Variants in GALNT17 observed in about 807,000 individuals in gnomAD.
The protein encoded by GALNT17 is polypeptide N-acetylgalactosaminyltransferase 17.
Under a neutral mutation model 63.7 loss-of-function variants are expected in GALNT17, and 29 were observed. The ratio of observed to expected loss-of-function variants is 0.46; its 90% CI spans 0.34 to 0.62. The LOEUF (loss-of-function observed/expected upper bound fraction) is 0.62. Among genes scored for constraint, GALNT17 ranks in the 20% least tolerant of loss-of-function variants. GALNT17 has a pLI of 0.01. For missense variants in GALNT17, 603 were observed against 799.6 expected, an observed-to-expected ratio of 0.75 and a Z score of 2.97; for synonymous variants, 305 against 318.3, an observed-to-expected ratio of 0.96 and a Z score of 0.45.
intron 5 of GALNT17, among the ~76,000 whole-genome samples, chr7:71,465,118 T>C (rs986724058): frequency 2.0e-5 from 3 of 152,162 alleles, no homozygotes; most frequent in Non-Finnish European, 4.4e-5. Context: ...CACAGACATC[T>C]AGGTGGCAGC....
At chr7:71,372,922 C>G (rs1792652039) in intron 2 of GALNT17, among the ~76,000 whole-genome samples, 1 of 152,058 alleles carries the variant, frequency 6.6e-6, no homozygotes, top group Non-Finnish European at 1.5e-5. Flanking sequence ...GGGCTTAGCT[C>G]TTGTTATTTT....
chr7:71,352,131 A>G (rs1385105397), intron 2 of GALNT17, among the ~76,000 whole-genome samples: 2 of 152,154 alleles, frequency 1.3e-5, no homozygotes, highest in Non-Finnish European at 2.9e-5. Flanking sequence ...AGTTTCCCCC[A>G]TACTGTTCTC....
intron 5 of GALNT17, among the ~76,000 whole-genome samples, chr7:71,565,875 G>T (rs1413552249): frequency 2.9e-5 from 4 of 136,174 alleles, no homozygotes; most frequent in African/African-American, 1.1e-4. Context: ...ACGGAGTCTC[G>T]CTCTTTCCCC....
At chr7:71,181,107 TA>T (rs1360569457) in intron 1 of GALNT17, among the ~76,000 whole-genome samples, 18 of 151,896 alleles carry the variant, frequency 1.2e-4, no homozygotes, top group African/African-American at 3.6e-4. Context: ...CACAAAAAAT[TA>T]ACCGAGTGTG....
At chr7:71,237,198 C>T (rs1311131410) in intron 1 of GALNT17, among the ~76,000 whole-genome samples, 2 of 152,150 alleles carry the variant, frequency 1.3e-5, no homozygotes, top group African/African-American at 4.8e-5. Flanking sequence ...TTTATTGTCT[C>T]CGTATGTAAT....
At chr7:71,401,075 A>C (rs1427348634) in intron 3 of GALNT17, among the ~76,000 whole-genome samples, 2 of 151,070 alleles carry the variant, frequency 1.3e-5, no homozygotes, top group Non-Finnish European at 2.9e-5. Context: ...AGTGTCCTCA[A>C]TACTCTTTTC....
chr7:71,664,454 T>A (rs971460888), intron 6 of GALNT17, among the ~76,000 whole-genome samples: 2 of 151,944 alleles, frequency 1.3e-5, no homozygotes, highest in Non-Finnish European at 2.9e-5. Context: ...TACAAAAAAA[T>A]TTAAAAATTA....
In GALNT17 at chr7:71,701,913, A is replaced by ATGTGTG. The variant is rs1554326611; in HGVS notation, c.1501-8847_1501-8846insGTGTGT. On this transcript the variant is annotated intron_variant, in intron 9 of 10. Coordinates refer to ENST00000333538, the MANE Select transcript of GALNT17 (RefSeq NM_022479.3). The stretch of plus-strand genomic sequence containing the variant: ...TATATATACACATATATATATATAC[A>ATGTGTG]TATATATATGTATATATATACATGT... 5.5e-5 allele frequency among the ~76,000 whole-genome samples: 7 copies of ATGTGTG among 126,424 alleles called. 1 individual carries two copies. The South Asian group carries it at 1.5e-3, about 27-fold the overall frequency. 82.9% of individuals were successfully genotyped at this position (126,424 alleles called of 152,430 possible).
At chr7:71,317,270 T>C (rs1018323716) in intron 1 of GALNT17, among the ~76,000 whole-genome samples, 9 of 152,220 alleles carry the variant, frequency 5.9e-5, no homozygotes, top group Admixed American at 6.5e-5. Flanking sequence ...GGAATCTGCC[T>C]GGTCAGATGA....
intron 1 of GALNT17, among the ~76,000 whole-genome samples, chr7:71,215,238 C>T (rs73365924): frequency 0.028 from 4,199 of 152,168 alleles, 195 homozygotes; most frequent in African/African-American, 0.095. Context: ...TTGCTGGCTC[C>T]TAGGGCTTAG....
intron 5 of GALNT17, among the ~76,000 whole-genome samples, chr7:71,480,541 A>G (rs895814084): frequency 6.9e-6 from 1 of 144,714 alleles, no homozygotes; most frequent in African/African-American, 2.6e-5. Context: ...TCTGTCGCTC[A>G]TGTCACCCAG....
At chr7:71,276,715 C>T (rs1332092899) in intron 1 of GALNT17, among the ~76,000 whole-genome samples, 1 of 152,102 alleles carries the variant, frequency 6.6e-6, no homozygotes, top group South Asian at 2.1e-4. Context: ...ATTACCCAGT[C>T]GGCCGGGTAT....
chr7:71,541,493 C>G (rs967351582), intron 5 of GALNT17, among the ~76,000 whole-genome samples: 1 of 152,126 alleles, frequency 6.6e-6, no homozygotes, highest in African/African-American at 2.4e-5. Flanking sequence ...GCGGAGGTTG[C>G]AGTGAGCCGA....
intron 5 of GALNT17, among the ~76,000 whole-genome samples, chr7:71,444,530 C>G (rs1351995819): frequency 6.6e-6 from 1 of 152,206 alleles, no homozygotes; most frequent in Non-Finnish European, 1.5e-5. Flanking sequence ...ATCTCTCCCT[C>G]TCTGGGCCAA....
intron 1 of GALNT17, 75 bp from the exon 2 acceptor site, chr7:71,335,475 G>C: frequency 7.4e-7 from 1 of 1,353,710 alleles, no homozygotes; most frequent in Non-Finnish European, 9.8e-7. Flanking sequence ...GTCTGTTGAA[G>C]CTGCAGCGGA....
chr7:71,678,804 A>C (rs1436799418), intron 9 of GALNT17, among the ~76,000 whole-genome samples: 1 of 151,700 alleles, frequency 6.6e-6, no homozygotes, highest in African/African-American at 2.4e-5. Flanking sequence ...CAAAAAAAAA[A>C]AAAATTAGCC....
At chr7:71,706,749 C>A (rs749980614) in intron 9 of GALNT17, among the ~76,000 whole-genome samples, 1 of 152,200 alleles carries the variant, frequency 6.6e-6, no homozygotes, top group Non-Finnish European at 1.5e-5. Context: ...GGAGACCAGC[C>A]AGGCCCTCCT....
At chr7:71,267,443 A>G (rs145591065) in intron 1 of GALNT17, among the ~76,000 whole-genome samples, 106 of 151,894 alleles carry the variant, frequency 7.0e-4, no homozygotes, top group African/African-American at 2.4e-3. Flanking sequence ...GGTAGAAATG[A>G]CTTTGAAATA....
At chr7:71,218,565 C>G (rs906636693) in intron 1 of GALNT17, among the ~76,000 whole-genome samples, 2 of 152,002 alleles carry the variant, frequency 1.3e-5, no homozygotes, top group Non-Finnish European at 2.9e-5. Flanking sequence ...TCCCCAACCC[C>G]TGGGCCACAA....
Sources: gnomAD v4.1 joint callset for allele counts (sites outside exome capture counted in the v4.1 genomes callset) on GRCh38, gnomAD v4.1.1 for gene constraint, MANE v1.5 for transcripts, NCBI Gene and HGNC (gene_info 2026-07-23, HGNC 2026-07-21) for gene names.